The following EEA1 variants were observed in gnomAD, a reference collection of about 807,000 sequenced individuals.
EEA1 encodes the protein early endosome antigen 1.
EEA1 carries 111 observed loss-of-function variants against 209.2 expected under a neutral mutation model. That is an observed-to-expected ratio of 0.53 (90% CI 0.45 to 0.62). The LOEUF (loss-of-function observed/expected upper bound fraction) is 0.62, where lower values mean the gene tolerates loss of function less well. EEA1 is among the 20% of genes least tolerant of loss of function. EEA1 has a pLI of 0.00. For synonymous variants in EEA1, 536 were observed against 540.6 expected (o/e 0.99, Z 0.12); for missense variants, 1,343 against 1,530.8 (o/e 0.88, Z 2.05).
At chr12:92,866,010 A>G (rs1878374372) in intron 2 of EEA1, among the ~76,000 whole-genome samples, 2 of 151,512 alleles carry the variant, frequency 1.3e-5, no homozygotes, top group South Asian at 4.2e-4. Context: ...CGGCCTCCCA[A>G]AGCATTGGGA....
At chr12:92,883,009 G>A (rs747932180) in intron 2 of EEA1, among the ~76,000 whole-genome samples, 4 of 152,168 alleles carry the variant, frequency 2.6e-5, no homozygotes, top group Non-Finnish European at 4.4e-5. Context: ...TTCCACAGTG[G>A]CTGAACTAAT....
At chr12:92,788,761 T>C (rs1342123841) in intron 21 of EEA1, among the ~76,000 whole-genome samples, 1 of 152,226 alleles carries the variant, frequency 6.6e-6, no homozygotes, top group Non-Finnish European at 1.5e-5. Context: ...TCCTTGTCAA[T>C]GTCTTACTTG....
In EEA1 at chr12:92,832,493, T is replaced by TA. The variant is rs1161989290; in HGVS notation, c.1254+18dup. 1 of 1,578,860 alleles carries TA rather than the reference T, an allele frequency of 6.3e-7. No homozygotes were observed. Among genetic ancestry groups the TA allele is most frequent in the Admixed American group, 1.9e-5 (1 of 53,816 alleles). ...AAACCAGAGGGAGAATTACAATAAATAAAATTAACAGCTCTTACTTGATTA... is the reference window on the plus strand; with the variant it reads ...AAACCAGAGGGAGAATTACAATAAATAAAAATTAACAGCTCTTACTTGATTA... On this transcript the variant is annotated intron_variant, in intron 11 of 28. Coordinates refer to ENST00000322349, the MANE Select transcript of EEA1 (RefSeq NM_003566.4).
chr12:92,817,559 G>A (rs1162986698), intron 14 of EEA1, among the ~76,000 whole-genome samples: 7 of 151,696 alleles, frequency 4.6e-5, no homozygotes, highest in African/African-American at 7.3e-5. Context: ...ATAGTTTTTT[G>A]TTTCTATCCA....
intron 23 of EEA1, 34 bp downstream of exon 23, chr12:92,781,916 A>G (rs777675545): frequency 5.1e-5 from 81 of 1,574,308 alleles, no homozygotes; most frequent in Non-Finnish European, 5.7e-5. Context: ...CTGTAACTCT[A>G]AGATTGTAGA....
intron 3 of EEA1, 122 bp downstream of exon 3, chr12:92,864,738 T>C (rs1263191007): frequency 1.0e-6 from 1 of 978,614 alleles, no homozygotes; most frequent in Non-Finnish European, 1.4e-6. Flanking sequence ...TGCTAAATGA[T>C]GACAGATTTA....
At chr12:92,782,821 TG>T (rs1873961026) in intron 22 of EEA1, among the ~76,000 whole-genome samples, 1 of 152,166 alleles carries the variant, frequency 6.6e-6, no homozygotes, top group Admixed American at 6.5e-5. Context: ...TTTCTGATTG[TG>T]AGTCTTAAGA....
At chr12:92,841,088 T>C (rs957782781) in intron 10 of EEA1, among the ~76,000 whole-genome samples, 2 of 152,152 alleles carry the variant, frequency 1.3e-5, no homozygotes, top group Non-Finnish European at 2.9e-5. Context: ...GCCTCCAAAA[T>C]AGTAAAAAAT....
At chr12:92,807,263 T>A (rs903070254) in intron 18 of EEA1, among the ~76,000 whole-genome samples, 2 of 147,702 alleles carry the variant, frequency 1.4e-5, no homozygotes, top group Non-Finnish European at 3.0e-5. Context: ...ATTTTTTTTT[T>A]ATATATAACT....
chr12:92,915,822 G>C (rs1234130568), intron 1 of EEA1, among the ~76,000 whole-genome samples: 2 of 152,068 alleles, frequency 1.3e-5, no homozygotes, highest in East Asian at 1.9e-4. Context: ...GCCATAAATT[G>C]GCTGACCTAA....
intron 9 of EEA1, among the ~76,000 whole-genome samples, chr12:92,846,195 T>C (rs1338827441): frequency 6.6e-6 from 1 of 152,170 alleles, no homozygotes; most frequent in Non-Finnish European, 1.5e-5. Flanking sequence ...AAAATTGCCA[T>C]ATAACAATTG....
At chr12:92,904,858 C>T (rs146819877) in intron 1 of EEA1, among the ~76,000 whole-genome samples, 9 of 152,300 alleles carry the variant, frequency 5.9e-5, no homozygotes, top group East Asian at 1.9e-4. Flanking sequence ...TGAATGCATT[C>T]GACAACCAGG....
chr12:92,811,780 T>C (rs768403047), intron 16 of EEA1, among the ~76,000 whole-genome samples: 6 of 151,976 alleles, frequency 3.9e-5, no homozygotes, highest in Non-Finnish European at 8.8e-5. Context: ...AAGACACCAA[T>C]TTTTAAAACT....
At chr12:92,921,880 AAAAAAAG>A (rs1350729252) in intron 1 of EEA1, among the ~76,000 whole-genome samples, 98 of 146,230 alleles carry the variant, frequency 6.7e-4, no homozygotes, top group African/African-American at 2.1e-3. Context: ...AAAAAAAAAA[AAAAAAAG>A]AAAAAAAGAA....
At chr12:92,780,091 A>T (rs191626410) in intron 24 of EEA1, among the ~76,000 whole-genome samples, 189 bp downstream of exon 24, 22 of 152,288 alleles carry the variant, frequency 1.4e-4, no homozygotes, top group Admixed American at 1.4e-3. Context: ...CAAATGTAGC[A>T]ATTTCAATAT....
intron 21 of EEA1, among the ~76,000 whole-genome samples, chr12:92,790,489 C>T (rs947060453): frequency 6.6e-6 from 1 of 152,082 alleles, no homozygotes; most frequent in Non-Finnish European, 1.5e-5. Context: ...GACACATGCA[C>T]AAGCTTCAAC....
At chr12:92,865,356 A>G (rs1878332287) in intron 2 of EEA1, among the ~76,000 whole-genome samples, 1 of 151,898 alleles carries the variant, frequency 6.6e-6, no homozygotes. Flanking sequence ...ATCTGTTCCA[A>G]TCTACTTCAT....
At chr12:92,922,210 G>T (rs1881036722) in intron 1 of EEA1, among the ~76,000 whole-genome samples, 1 of 152,082 alleles carries the variant, frequency 6.6e-6, no homozygotes, top group Non-Finnish European at 1.5e-5. Context: ...GGGAAGTCCA[G>T]ACCTCTAGTT....
chr12:92,874,418 T>G (rs1328161460), intron 2 of EEA1, among the ~76,000 whole-genome samples: 1 of 152,238 alleles, frequency 6.6e-6, no homozygotes, highest in Non-Finnish European at 1.5e-5. Flanking sequence ...CAGGCTGGAG[T>G]GCAGTGGCAC....
Sources: gnomAD v4.1 joint callset for allele counts (sites outside exome capture counted in the v4.1 genomes callset) on GRCh38, gnomAD v4.1.1 for gene constraint, MANE v1.5 for transcripts, NCBI Gene and HGNC (gene_info 2026-07-23, HGNC 2026-07-21) for gene names.